The following TMEM181 variants were observed in gnomAD, a reference collection of about 807,000 sequenced individuals.
TMEM181 encodes G protein-coupled receptor 178.
Under a neutral mutation model 71.9 loss-of-function variants are expected in TMEM181, and 39 were observed. The observed-to-expected ratio is 0.54, with a 90% CI of 0.42 to 0.71. TMEM181 has a LOEUF of 0.71. TMEM181 is among the 30% of genes least tolerant of loss of function. The pLI, the probability that TMEM181 is intolerant of heterozygous loss-of-function variation, is 0.00. For missense variants in TMEM181, 595 were observed against 583.0 expected, an observed-to-expected ratio of 1.02 and a Z score of -0.21; for synonymous variants, 245 against 228.8, an observed-to-expected ratio of 1.07 and a Z score of -0.64.
At chr6:158,590,568 A>G (rs1351783024) in intron 6 of TMEM181, among the ~76,000 whole-genome samples, 2 of 152,240 alleles carry the variant, frequency 1.3e-5, no homozygotes, top group South Asian at 2.1e-4. Context: ...GGTTCAAGCA[A>G]TTCTCCTGCC....
At chr6:158,611,696 C>T (rs539498752) in intron 10 of TMEM181, 8 of 230,734 alleles carry the variant, frequency 3.5e-5, no homozygotes, top group East Asian at 2.5e-4. Flanking sequence ...CACCTGTGCC[C>T]GAGGAATGCC....
chr6:158,613,298 A>G (rs544836599), intron 10 of TMEM181, among the ~76,000 whole-genome samples: 4 of 152,364 alleles, frequency 2.6e-5, no homozygotes, highest in African/African-American at 7.2e-5. Context: ...ACAAATCATA[A>G]TAGGACTGGT....
chr6:158,565,360 G>A (rs1475443944), intron 1 of TMEM181, among the ~76,000 whole-genome samples: 1 of 152,198 alleles, frequency 6.6e-6, no homozygotes, highest in African/African-American at 2.4e-5. Flanking sequence ...GAGGTGCTCA[G>A]TGCATCTAGT....
At chr6:158,624,722 T>G (rs1786169625) in intron 11 of TMEM181, among the ~76,000 whole-genome samples, 1 of 152,120 alleles carries the variant, frequency 6.6e-6, no homozygotes, top group Non-Finnish European at 1.5e-5. Context: ...CCTGGGTCCT[T>G]TCTTGGACAC....
At chr6:158,562,478 T>G (rs753880) in intron 1 of TMEM181, among the ~76,000 whole-genome samples, 1 of 116,228 alleles carries the variant, frequency 8.6e-6, no homozygotes, top group Non-Finnish European at 1.9e-5. Flanking sequence ...GTGTGTGTCT[T>G]GCTTGGCACG....
chr6:158,539,818 C>A (rs1781271649), intron 1 of TMEM181, among the ~76,000 whole-genome samples: 1 of 152,202 alleles, frequency 6.6e-6, no homozygotes, highest in Admixed American at 6.5e-5. Flanking sequence ...AGCCCCAGTT[C>A]CACTCCTTGC....
chr6:158,552,290 C>T (rs889302494), intron 1 of TMEM181, among the ~76,000 whole-genome samples: 1 of 152,126 alleles, frequency 6.6e-6, no homozygotes, highest in Non-Finnish European at 1.5e-5. Flanking sequence ...AGTGTGATTG[C>T]TTTTCCTTAT....
At chr6:158,619,282 A>G (rs979711324) in intron 10 of TMEM181, among the ~76,000 whole-genome samples, 1 of 152,232 alleles carries the variant, frequency 6.6e-6, no homozygotes, top group Non-Finnish European at 1.5e-5. Context: ...CACTTGATCG[A>G]ATCGGCTACT....
At chr6:158,558,865 C>T (rs1782002899), upstream of TMEM181, among the ~76,000 whole-genome samples, 2 of 152,190 alleles carry the variant, frequency 1.3e-5, no homozygotes, top group Admixed American at 6.5e-5. Flanking sequence ...CTCCCTCCGA[C>T]TCACCCCTTC....
chr6:158,542,026 C>T (rs1781370896), intron 1 of TMEM181, among the ~76,000 whole-genome samples: 1 of 151,138 alleles, frequency 6.6e-6, no homozygotes, highest in South Asian at 2.1e-4. Flanking sequence ...CTGGCTCAGC[C>T]TCCCAAGTAG....
rs377003080 is a variant in TMEM181 at position 158,563,330 on chromosome 6, GTC to G, written c.8+3099_8+3100del. 9.7e-4 allele frequency among the ~76,000 whole-genome samples: 148 copies of G among 152,306 alleles called. 3 individuals are homozygous for G. The East Asian group carries it at 0.025, about 26-fold the overall frequency. ...GGCTAATTTTTGTATTTTTAGTAGA[GTC>G]AGGGTTTCACCATGTTGGCCAGGCT... is the stretch of plus-strand genomic sequence containing the variant. On this transcript the variant is annotated intron_variant, in intron 1 of 16. Coordinates refer to ENST00000684151, the MANE Select transcript of TMEM181 (RefSeq NM_001376852.1).
At chr6:158,556,085 C>T (rs541634579), upstream of TMEM181, among the ~76,000 whole-genome samples, 11 of 152,278 alleles carry the variant, frequency 7.2e-5, no homozygotes, top group Non-Finnish European at 1.5e-4. Context: ...GTACTCAAAC[C>T]AGCATGTCTT....
At chr6:158,629,628 G>T in intron 14 of TMEM181, 102 bp from the exon 15 acceptor site, 3 of 1,002,922 alleles carry the variant, frequency 3.0e-6, no homozygotes, top group Non-Finnish European at 4.5e-6. Flanking sequence ...CGGGTGCTTG[G>T]CACTAGAAGG....
At chr6:158,607,886 A>G (rs918117194) in intron 8 of TMEM181, among the ~76,000 whole-genome samples, 5 of 152,186 alleles carry the variant, frequency 3.3e-5, no homozygotes, top group Admixed American at 2.6e-4. Flanking sequence ...CAGTCCTGGA[A>G]CTTGGCTGAA....
intron 10 of TMEM181, among the ~76,000 whole-genome samples, chr6:158,614,329 G>C (rs1375584980): frequency 6.6e-6 from 1 of 152,174 alleles, no homozygotes; most frequent in Non-Finnish European, 1.5e-5. Flanking sequence ...TCGCCAAAAT[G>C]ATGAGTTAAA....
At chr6:158,631,298 T>C (rs1786651298) in intron 15 of TMEM181, 25 bp from the exon 16 acceptor site, 1 of 1,613,676 alleles carries the variant, frequency 6.2e-7, no homozygotes, top group East Asian at 2.2e-5. Flanking sequence ...TTGCTTGAGA[T>C]GCAAATGCTC....
chr6:158,562,331 A>G (rs894023498), intron 1 of TMEM181, among the ~76,000 whole-genome samples: 1 of 152,120 alleles, frequency 6.6e-6, no homozygotes, highest in Non-Finnish European at 1.5e-5. Context: ...GGGGCGTCTC[A>G]TTTGCTAACC....
rs56411815 is a variant in TMEM181, at chr6:158,627,136, C to A, written c.1110-1272C>A. On this transcript the variant is annotated intron_variant, in intron 13 of 16. Transcript: ENST00000684151. ...TCACACCCTCACACACCCTTGCTCACACACCTTACACCCTCACTGTCACAC... is the reference window on the plus strand; with the variant it reads ...TCACACCCTCACACACCCTTGCTCAAACACCTTACACCCTCACTGTCACAC... 7.4e-5 allele frequency among the ~76,000 whole-genome samples: 11 copies of A among 149,334 alleles called. No homozygotes were observed. In the East Asian group the frequency reaches 2.0e-3, roughly 28 times the overall value.
chr6:158,560,246 C>G lies in TMEM181; in HGVS notation c.8+14C>G. On this transcript the variant is annotated intron_variant, in intron 1 of 16. Coordinates refer to ENST00000684151, the MANE Select transcript of TMEM181 (RefSeq NM_001376852.1). ...CGAGATGGAGCCGTGAGTCCCCGGCCGAGCGGGCGGGCTGGCTGGCTCTCC... is the reference window on the plus strand; with the variant it reads ...CGAGATGGAGCCGTGAGTCCCCGGCGGAGCGGGCGGGCTGGCTGGCTCTCC... The G allele has an allele frequency of 4.1e-6, 4 of 985,062 alleles. No individual in the cohort carries two copies. Among genetic ancestry groups the G allele is most frequent in the Non-Finnish European group, 4.8e-6 (4 of 829,834 alleles). 61.0% of individuals were successfully genotyped at this position (985,062 alleles called of 1,614,324 possible).
Sources: gnomAD v4.1 joint callset for allele counts (sites outside exome capture counted in the v4.1 genomes callset) on GRCh38, gnomAD v4.1.1 for gene constraint, MANE v1.5 for transcripts, NCBI Gene and HGNC (gene_info 2026-07-23, HGNC 2026-07-21) for gene names.